The following GRID2 variants were observed in gnomAD, a reference collection of about 807,000 sequenced individuals.
The protein encoded by GRID2 is glutamate ionotropic receptor delta type subunit 2, also known as glutamate receptor ionotropic, delta-2.
In GRID2, 33 loss-of-function variants were observed where a neutral mutation model predicts 114.8. That is an observed-to-expected ratio of 0.29 (90% CI 0.22 to 0.38). GRID2 has a LOEUF of 0.38. Among genes scored for constraint, GRID2 ranks in the 10% least tolerant of loss-of-function variants. GRID2 has a pLI of 1.00. For missense variants in GRID2, 1,184 were observed against 1,257.7 expected (o/e 0.94, Z 0.89); for synonymous variants, 505 against 449.9 (o/e 1.12, Z -1.55).
chr4:93,104,154 C>T (rs530169028), intron 3 of GRID2, among the ~76,000 whole-genome samples: 2 of 152,046 alleles, frequency 1.3e-5, no homozygotes, highest in Non-Finnish European at 2.9e-5. Flanking sequence ...GACAAGTTTT[C>T]CAGATGACTC....
intron 1 of GRID2, among the ~76,000 whole-genome samples, chr4:92,432,645 G>A (rs932947076): frequency 6.6e-5 from 10 of 152,046 alleles, no homozygotes; most frequent in Non-Finnish European, 2.9e-5. Context: ...ACTGAAGTGG[G>A]CTCCCCTGTG....
chr4:93,372,480 C>T (rs1763023067), intron 8 of GRID2, among the ~76,000 whole-genome samples: 2 of 152,226 alleles, frequency 1.3e-5, no homozygotes, highest in South Asian at 4.1e-4. Context: ...TTGTGTCCTG[C>T]TTTTGCTTAT....
At chr4:92,944,905 T>C (rs554960079) in intron 2 of GRID2, among the ~76,000 whole-genome samples, 37 of 152,316 alleles carry the variant, frequency 2.4e-4, no homozygotes, top group Admixed American at 2.3e-3. Context: ...GTTCTGATTA[T>C]AGAACAGTTA....
In GRID2 at chr4:93,500,245, A is replaced by G. The variant is rs113543103; in HGVS notation, c.1997+9468A>G. On this transcript the variant is annotated intron_variant, in intron 12 of 15. Coordinates refer to ENST00000282020, the MANE Select transcript of GRID2 (RefSeq NM_001510.4). The stretch of plus-strand genomic sequence containing the variant: ...TATAAACCATATTTTCCTAAGAGTA[A>G]AAAAGGGATAGATTCAACTTCATAG... Among the ~76,000 whole-genome samples, 305 of 152,096 alleles carry G rather than the reference A, an allele frequency of 2.0e-3. 1 individual carries two copies. The highest frequency in any genetic ancestry group is 6.8e-3 in the African/African-American group (282 of 41,532).
intron 8 of GRID2, among the ~76,000 whole-genome samples, chr4:93,326,813 T>C (rs1271451015): frequency 1.3e-5 from 2 of 152,198 alleles, no homozygotes; most frequent in East Asian, 3.9e-4. Context: ...TGACTTTTCC[T>C]ATCCAATACA....
chr4:92,375,707 C>T lies in GRID2; in HGVS notation c.88+70963C>T, dbSNP rs537992440. ...CAAATTAATAAATATTCAATCTTCT[C>T]TTCTTCCTGTAATCCCATTATTCAC... On this transcript the variant is annotated intron_variant, in intron 1 of 15. Coordinates refer to ENST00000282020, the MANE Select transcript of GRID2 (RefSeq NM_001510.4). Among the ~76,000 whole-genome samples, 6 of 152,272 alleles carry T rather than the reference C, an allele frequency of 3.9e-5. No individual in the cohort carries two copies. The East Asian group carries it at 1.2e-3, about 29-fold the overall frequency.
At chr4:92,524,407 C>CTTTTTTTTTTTTTTTTTTTTTTT (rs869060153) in intron 1 of GRID2, among the ~76,000 whole-genome samples, 2 of 106,564 alleles carry the variant, frequency 1.9e-5, no homozygotes, top group South Asian at 2.9e-4. Flanking sequence ...ATTTCCTTGT[C>CTTTTTTTTTTTTTTTTTTTTTTT]TTTTTTTTTT....
In GRID2 at chr4:93,527,388, G is replaced by A. The variant is rs189101304; in HGVS notation, c.2193+11977G>A. 7.2e-4 allele frequency among the ~76,000 whole-genome samples: 109 copies of A among 152,192 alleles called. No individual in the cohort carries two copies. The East Asian group carries it at 9.1e-3, about 13-fold the overall frequency. On this transcript the variant is annotated intron_variant, in intron 13 of 15. Transcript: ENST00000282020. ...GGAGATAATAAAATAAATAAAATTTGAATGTCTTGATAGTGTTTGGGGGAA... is the reference window on the plus strand; with the variant it reads ...GGAGATAATAAAATAAATAAAATTTAAATGTCTTGATAGTGTTTGGGGGAA...
At chr4:93,115,041 TAATC>T (rs1239285126) in intron 4 of GRID2, among the ~76,000 whole-genome samples, 3 of 151,756 alleles carry the variant, frequency 2.0e-5, no homozygotes, top group Admixed American at 2.0e-4. Flanking sequence ...AAATAAGAAT[TAATC>T]AGGTAAACAG....
At chr4:92,683,354 GT>G in intron 2 of GRID2, among the ~76,000 whole-genome samples, 1 of 152,146 alleles carries the variant, frequency 6.6e-6, no homozygotes, top group African/African-American at 2.4e-5. Flanking sequence ...ATCAATAAAT[GT>G]TTTAATCAAC....
chr4:93,263,497 T>C (rs988385122), intron 8 of GRID2, among the ~76,000 whole-genome samples: 4 of 152,094 alleles, frequency 2.6e-5, no homozygotes, highest in Non-Finnish European at 4.4e-5. Flanking sequence ...AATAATTTTC[T>C]ATATATGGAA....
intron 4 of GRID2, among the ~76,000 whole-genome samples, chr4:93,202,370 A>ATAT (rs1351550030): frequency 6.6e-6 from 1 of 152,182 alleles, no homozygotes; most frequent in African/African-American, 2.4e-5. Flanking sequence ...ATGTGCCTAG[A>ATAT]TATTAAACAG....
intron 4 of GRID2, among the ~76,000 whole-genome samples, chr4:93,186,637 ATATTT>A (rs1195961893): frequency 1.3e-5 from 2 of 152,070 alleles, no homozygotes; most frequent in Non-Finnish European, 2.9e-5. Flanking sequence ...TATTTTTCAA[ATATTT>A]TAAATAAAAT....
chr4:93,361,127 T>C (rs74443312), intron 8 of GRID2, among the ~76,000 whole-genome samples: 6,910 of 152,102 alleles, frequency 0.045, 181 homozygotes, highest in South Asian at 0.068. Flanking sequence ...AATTACTAAA[T>C]TTTTTTACAT....
intron 1 of GRID2, among the ~76,000 whole-genome samples, chr4:92,542,950 T>G (rs1410992757): frequency 6.6e-6 from 1 of 151,846 alleles, no homozygotes; most frequent in Non-Finnish European, 1.5e-5. Context: ...ATTTTTCTGT[T>G]TCAGCATTAT....
At chr4:93,059,409 A>G (rs762965845) in intron 2 of GRID2, among the ~76,000 whole-genome samples, 1 of 152,122 alleles carries the variant, frequency 6.6e-6, no homozygotes, top group African/African-American at 2.4e-5. Context: ...CATCCTATGC[A>G]TTGTAAGATG....
intron 13 of GRID2, among the ~76,000 whole-genome samples, chr4:93,592,240 G>A (rs921423836): frequency 6.6e-6 from 1 of 151,774 alleles, no homozygotes; most frequent in African/African-American, 2.4e-5. Context: ...GCATCCCAGA[G>A]ATTCTGGTAT....
rs894593271 is a variant in GRID2, at chr4:93,074,970, T to C, written c.245-10025T>C. ...CTGTATATGTTTTTAAGACTGATTT[T>C]ATAAACTCTCTCACTACTGAAACTC... On this transcript the variant is annotated intron_variant, in intron 2 of 15. Transcript: ENST00000282020. 3.9e-5 allele frequency among the ~76,000 whole-genome samples: 6 copies of C among 152,210 alleles called. No homozygotes were observed. In the South Asian group the frequency reaches 1.2e-3, roughly 31 times the overall value.
chr4:93,207,158 A>G (rs1370652423), intron 4 of GRID2, among the ~76,000 whole-genome samples: 3 of 152,046 alleles, frequency 2.0e-5, no homozygotes, highest in Non-Finnish European at 4.4e-5. Flanking sequence ...GTTGAAACCC[A>G]TGGTTTTCTA....
Sources: gnomAD v4.1 joint callset for allele counts (sites outside exome capture counted in the v4.1 genomes callset) on GRCh38, gnomAD v4.1.1 for gene constraint, MANE v1.5 for transcripts, NCBI Gene and HGNC (gene_info 2026-07-23, HGNC 2026-07-21) for gene names.